Variants in CDC14A observed in about 807,000 individuals in gnomAD.
CDC14A encodes the protein cell division cycle 14A.
In CDC14A, 53 loss-of-function variants were observed where a neutral mutation model predicts 74.4. The ratio of observed to expected loss-of-function variants is 0.71; its 90% CI spans 0.57 to 0.89. The LOEUF is 0.89. CDC14A is among the 40% of genes least tolerant of loss of function. The probability of loss-of-function intolerance (pLI) is 0.00; values close to 1 mark genes in which losing one functional copy is unlikely to be tolerated. For missense variants in CDC14A, 646 were observed against 713.7 expected (o/e 0.91, Z 1.08); for synonymous variants, 247 against 258.4 (o/e 0.96, Z 0.43).
intron 10 of CDC14A, among the ~76,000 whole-genome samples, chr1:100,481,507 G>A (rs1466861285): frequency 5.9e-5 from 9 of 152,158 alleles, no homozygotes; most frequent in Admixed American, 5.2e-4. Context: ...AATATTAAAA[G>A]CAGATGTAAA....
intron 7 of CDC14A, 24 bp from the exon 8 acceptor site, chr1:100,455,381 T>C (rs772839742): frequency 2.0e-6 from 3 of 1,504,348 alleles, no homozygotes; most frequent in Non-Finnish European, 2.7e-6. Flanking sequence ...ATTTTTCTTC[T>C]CTTTTCTTAC....
At chr1:100,428,668 A>G (rs1465485819) in intron 5 of CDC14A, among the ~76,000 whole-genome samples, 3 of 152,206 alleles carry the variant, frequency 2.0e-5, no homozygotes, top group African/African-American at 7.2e-5. Flanking sequence ...TTTTCATGGC[A>G]GTCAGTGGCA....
At chr1:100,475,710 A>G (rs1009038235) in intron 10 of CDC14A, among the ~76,000 whole-genome samples, 1 of 152,106 alleles carries the variant, frequency 6.6e-6, no homozygotes, top group African/African-American at 2.4e-5. Flanking sequence ...CTGCACTGAC[A>G]CTGTGATAGG....
chr1:100,412,235 G>C (rs375317093), intron 4 of CDC14A, among the ~76,000 whole-genome samples: 1 of 152,038 alleles, frequency 6.6e-6, no homozygotes, highest in African/African-American at 2.4e-5. Flanking sequence ...GTATCGTTCC[G>C]ATTTCTCTTA....
At chr1:100,377,020 C>T in intron 2 of CDC14A, among the ~76,000 whole-genome samples, 1 of 150,376 alleles carries the variant, frequency 6.6e-6, no homozygotes, top group African/African-American at 2.5e-5. Context: ...GAACTTAAAA[C>T]TGTCCAATTA....
intron 7 of CDC14A, among the ~76,000 whole-genome samples, chr1:100,447,078 G>C (rs956344513): frequency 2.0e-5 from 3 of 152,194 alleles, no homozygotes; most frequent in African/African-American, 7.2e-5. Flanking sequence ...CATGTAGCTA[G>C]AGTATGGATT....
intron 5 of CDC14A, among the ~76,000 whole-genome samples, chr1:100,436,988 C>A (rs980631342): frequency 1.3e-5 from 2 of 152,152 alleles, no homozygotes; most frequent in African/African-American, 4.8e-5. Context: ...GAGTTCCAGA[C>A]CAGTCTGGGC....
At chr1:100,411,739 A>T (rs372040921) in intron 4 of CDC14A, among the ~76,000 whole-genome samples, 1 of 152,170 alleles carries the variant, frequency 6.6e-6, no homozygotes, top group African/African-American at 2.4e-5. Context: ...TGGGCCAGAC[A>T]CCCCTTCTGA....
chr1:100,385,573 A>T (rs958557758), intron 3 of CDC14A, among the ~76,000 whole-genome samples: 6 of 152,220 alleles, frequency 3.9e-5, no homozygotes, highest in African/African-American at 1.4e-4. Flanking sequence ...CATAATTAAG[A>T]TTTACACAAA....
At chr1:100,483,686 G>A (rs1669730582) in intron 10 of CDC14A, among the ~76,000 whole-genome samples, 1 of 152,058 alleles carries the variant, frequency 6.6e-6, no homozygotes, top group Middle Eastern at 3.2e-3. Flanking sequence ...TTGTGATTTT[G>A]CCTTAATGAA....
At chr1:100,492,299 A>G (rs983269357) in intron 11 of CDC14A, among the ~76,000 whole-genome samples, 16 of 152,234 alleles carry the variant, frequency 1.1e-4, no homozygotes, top group Non-Finnish European at 1.9e-4. Flanking sequence ...GTTGAATTCT[A>G]GCAACAAAAA....
At chr1:100,509,881 A>G (rs1461176196) in intron 15 of CDC14A, among the ~76,000 whole-genome samples, 1 of 152,248 alleles carries the variant, frequency 6.6e-6, no homozygotes, top group Non-Finnish European at 1.5e-5. Flanking sequence ...GTAGACTGTA[A>G]GAGAAAATCA....
At chr1:100,505,096 A>G (rs1300577916) in intron 15 of CDC14A, 1 of 268,248 alleles carries the variant, frequency 3.7e-6, no homozygotes, top group Non-Finnish European at 5.7e-6. Context: ...TTTATAGTTC[A>G]TGGTTTCTAA....
chr1:100,416,798 C>T (rs1469574388), intron 4 of CDC14A, among the ~76,000 whole-genome samples: 1 of 152,092 alleles, frequency 6.6e-6, no homozygotes, highest in Non-Finnish European at 1.5e-5. Flanking sequence ...TTTATTCTTC[C>T]CGACAAACAA....
chr1:100,356,131 G>T lies in CDC14A; in HGVS notation c.140+2279G>T, dbSNP rs557182466. On this transcript the variant is annotated intron_variant, in intron 2 of 15. Transcript: ENST00000336454. ...ATTCAGGGAACATGTAGGGGATGGA[G>T]AATGTGAAATTGAGATGTTGGCTGG... Among the ~76,000 whole-genome samples the T allele has an allele frequency of 2.6e-4, 39 of 152,306 alleles. 1 individual carries two copies. Among genetic ancestry groups the T allele is most frequent in the Admixed American group, 9.8e-4 (15 of 15,302 alleles).
chr1:100,476,444 T>C lies in CDC14A; in HGVS notation c.978-7848T>C, dbSNP rs529522181. ...GCCTGGGCGACACAGCAGGACTCTG[T>C]TGAAAAAAAAATCAGCTCTATTGGC... On this transcript the variant is annotated intron_variant, in intron 10 of 15. Coordinates refer to ENST00000336454, the MANE Select transcript of CDC14A (RefSeq NM_003672.4). 7.9e-5 allele frequency among the ~76,000 whole-genome samples: 12 copies of C among 152,102 alleles called. No homozygotes were observed. The East Asian group carries it at 1.2e-3, about 15-fold the overall frequency.
At chr1:100,498,837 A>G in intron 14 of CDC14A, 92 bp from the exon 15 acceptor site, 1 of 1,464,172 alleles carries the variant, frequency 6.8e-7, no homozygotes, top group Non-Finnish European at 9.1e-7. Flanking sequence ...ATGTTCCCCT[A>G]ATGTCATGAG....
chr1:100,375,373 A>G (rs527255969), intron 2 of CDC14A, among the ~76,000 whole-genome samples: 8 of 152,382 alleles, frequency 5.2e-5, no homozygotes, highest in Admixed American at 3.3e-4. Context: ...TTCTAAAGGC[A>G]GTAAGAAACC....
intron 2 of CDC14A, chr1:100,363,225 G>GGTA (rs1202664021): frequency 6.6e-6 from 1 of 152,226 alleles, no homozygotes; most frequent in Non-Finnish European, 1.5e-5. Flanking sequence ...CCTAGTCCCA[G>GGTA]GTAGTAGTAT....
Sources: gnomAD v4.1 joint callset for allele counts (sites outside exome capture counted in the v4.1 genomes callset) on GRCh38, gnomAD v4.1.1 for gene constraint, MANE v1.5 for transcripts, NCBI Gene and HGNC (gene_info 2026-07-23, HGNC 2026-07-21) for gene names.